KDM2B: variants seen among roughly 807,000 people sequenced by gnomAD.
KDM2B encodes the protein lysine-specific demethylase 2B.
Under a neutral mutation model 150.0 loss-of-function variants are expected in KDM2B, and 26 were observed. That is an observed-to-expected ratio of 0.17 (90% CI 0.13 to 0.24). The LOEUF is 0.24. KDM2B is among the 10% of genes least tolerant of loss of function. KDM2B has a pLI of 1.00. For missense variants in KDM2B, 1,265 were observed against 1,816.9 expected (o/e 0.70, Z 5.52); for synonymous variants, 734 against 729.5 (o/e 1.01, Z -0.10).
At chr12:121,419,970 T>A in the KDM2B span, 1 of 327,134 alleles carries the variant, frequency 3.1e-6, no homozygotes, top group Non-Finnish European at 5.9e-6. Flanking sequence ...CATTCCATTA[T>A]GGGACCTTCC....
At chr12:121,471,004 A>C (rs1478836024) in intron 12 of KDM2B, among the ~76,000 whole-genome samples, 7 of 152,190 alleles carry the variant, frequency 4.6e-5, no homozygotes, top group African/African-American at 1.7e-4. Flanking sequence ...ACACTTGCAA[A>C]ATGCTTCTTC....
intron 4 of KDM2B, among the ~76,000 whole-genome samples, chr12:121,551,004 A>G (rs1889445403): frequency 6.6e-6 from 1 of 150,768 alleles, no homozygotes; most frequent in Non-Finnish European, 1.5e-5. Flanking sequence ...CGACAATGGC[A>G]GAGCTAAGTA....
rs182034637 is a variant in KDM2B, at chr12:121,519,931, C to T, written c.1047+1054G>A. 8.3e-4 allele frequency among the ~76,000 whole-genome samples: 126 copies of T among 152,234 alleles called. 1 individual carries two copies. The highest frequency in any genetic ancestry group is 2.9e-3 in the African/African-American group (120 of 41,534). Reference sequence around the variant, plus strand: ...TAGTATGAGACAGGTCCGGCTCTGTCGCCCAGGATGGAGTGCAGTGGCGTG... The same window carrying T: ...TAGTATGAGACAGGTCCGGCTCTGTTGCCCAGGATGGAGTGCAGTGGCGTG... On this transcript the variant is annotated intron_variant, in intron 9 of 22. Transcript: ENST00000377071.
intron 13 of KDM2B, among the ~76,000 whole-genome samples, chr12:121,445,634 G>A (rs957391325): frequency 6.6e-6 from 1 of 152,214 alleles, no homozygotes; most frequent in Admixed American, 6.5e-5. Context: ...GATACAGCAA[G>A]GAACAAGACA....
Position 121,467,416 on chromosome 12 carries a change from G to A in KDM2B, c.1735-14072C>T. 1.1e-6 allele frequency: 1 copy of A among 909,138 alleles called. No individual in the cohort carries two copies. Among genetic ancestry groups the A allele is most frequent in the Non-Finnish European group, 1.3e-6 (1 of 763,080 alleles). The allele number at this position is 909,138 out of a possible 1,614,324, so 56.3% of individuals were successfully genotyped here. A position where few individuals can be genotyped will look rare whatever the true frequency, so the allele number is the denominator to read the frequency against. ...GAGGGGCCGGCGGGGGAGGGCCGGG[G>A]CGCCATGCATATGCATGAGGCGAGC... On this transcript the variant is annotated intron_variant, in intron 12 of 22. Coordinates refer to ENST00000377071, the MANE Select transcript of KDM2B (RefSeq NM_032590.5). This position sits in a 1 kb window ranked among gnomAD's most constrained non-coding sequence, Gnocchi z 5.1.
the KDM2B span, among the ~76,000 whole-genome samples, chr12:121,410,647 A>G: frequency 6.6e-6 from 1 of 151,998 alleles, no homozygotes; most frequent in African/African-American, 2.4e-5. Context: ...AGAAGGCTGG[A>G]GTGTTGCAAA....
In KDM2B at chr12:121,513,446, G is replaced by A. The variant is rs1555304359; in HGVS notation, c.1048-44C>T. ...GCAGGCAGAGGTCAGTTTCCAGAGG[G>A]CGAAGGGGGAAGGAGGGAGAGAAGT... On this transcript the variant is annotated intron_variant, in intron 9 of 22. Transcript: ENST00000377071. This position sits in a 1 kb window ranked among gnomAD's most constrained non-coding sequence, Gnocchi z 5.0. 2 of 1,598,208 alleles carry A rather than the reference G, an allele frequency of 1.3e-6. No homozygotes were observed. Among genetic ancestry groups the A allele is most frequent in the Admixed American group, 3.3e-5 (2 of 59,792 alleles).
chr12:121,411,729 G>C, the KDM2B span, among the ~76,000 whole-genome samples: 2 of 152,196 alleles, frequency 1.3e-5, no homozygotes, highest in Non-Finnish European at 2.9e-5. Context: ...GTGGAAAGAG[G>C]AGCAGGAGAA....
At chr12:121,525,032 T>A (rs1206719075) in intron 8 of KDM2B, among the ~76,000 whole-genome samples, 1 of 151,954 alleles carries the variant, frequency 6.6e-6, no homozygotes, top group African/African-American at 2.4e-5. Flanking sequence ...AACCTAGAGG[T>A]CTCAGAACTG....
chr12:121,556,557 A>G (rs1555312762), intron 4 of KDM2B, among the ~76,000 whole-genome samples: 1 of 152,142 alleles, frequency 6.6e-6, no homozygotes, highest in African/African-American at 2.4e-5. Flanking sequence ...TTCTTTATAA[A>G]TAATCCAACC....
intron 21 of KDM2B, 181 bp from the exon 22 acceptor site, chr12:121,440,256 T>TA: frequency 1.7e-6 from 1 of 602,502 alleles, no homozygotes; most frequent in Non-Finnish European, 2.9e-6. Context: ...CATCAAAACT[T>TA]AGATTTTCAG....
intron 12 of KDM2B, among the ~76,000 whole-genome samples, chr12:121,471,647 T>C (rs1593865839): frequency 6.6e-6 from 1 of 152,288 alleles, no homozygotes; most frequent in East Asian, 1.9e-4. Context: ...CCCCGTGGAC[T>C]CTGGTTTACC....
chr12:121,451,435 T>C (rs1408406863), intron 13 of KDM2B, among the ~76,000 whole-genome samples: 3 of 152,148 alleles, frequency 2.0e-5, no homozygotes. Flanking sequence ...ACATGCAGAT[T>C]TTCAACTGCA....
intron 11 of KDM2B, among the ~76,000 whole-genome samples, chr12:121,499,810 C>T (rs1347170884): frequency 1.3e-5 from 2 of 151,876 alleles, no homozygotes; most frequent in African/African-American, 4.8e-5. Context: ...ATTAGCCAGG[C>T]ATGGTGGCAC....
intron 13 of KDM2B, among the ~76,000 whole-genome samples, chr12:121,447,055 A>T (rs1472381456): frequency 6.6e-6 from 1 of 152,096 alleles, no homozygotes; most frequent in African/African-American, 2.4e-5. Flanking sequence ...TTGCAACTAA[A>T]CTTTAAAAAA....
chr12:121,421,386 A>AAAAAAC, the KDM2B span, among the ~76,000 whole-genome samples: 2 of 136,566 alleles, frequency 1.5e-5, no homozygotes, highest in African/African-American at 5.0e-5. Context: ...AAAAAAAAAA[A>AAAAAAC]AAAAAAAAAA....
At chr12:121,531,436 C>G (rs1887650416) in intron 8 of KDM2B, among the ~76,000 whole-genome samples, 1 of 152,214 alleles carries the variant, frequency 6.6e-6, no homozygotes, top group Admixed American at 6.5e-5. Context: ...TCTAGCCCAA[C>G]TCTCAGAAAC....
At chr12:121,530,254 A>C (rs111986432) in intron 8 of KDM2B, among the ~76,000 whole-genome samples, 2 of 151,270 alleles carry the variant, frequency 1.3e-5, no homozygotes, top group Admixed American at 6.6e-5. Flanking sequence ...AAAAAATACT[A>C]ATCTAGGTCA....
At chr12:121,568,382 C>G (rs1890857467) in intron 4 of KDM2B, among the ~76,000 whole-genome samples, 2 of 152,012 alleles carry the variant, frequency 1.3e-5, no homozygotes, top group Non-Finnish European at 2.9e-5. Context: ...AACGCTTGAA[C>G]CCAGGAGGCA....
Sources: allele counts gnomAD v4.1 joint callset (sites outside exome capture counted in the v4.1 genomes callset), GRCh38; gene constraint gnomAD v4.1.1; non-coding constraint Gnocchi (gnomAD v3.1); transcripts MANE v1.5; gene names NCBI Gene and HGNC (gene_info 2026-07-23, HGNC 2026-07-21).